Variants in PALS1 observed in about 807,000 individuals in gnomAD.
PALS1 encodes protein associated with LIN7 1, MAGUK p55 family member.
A neutral mutation model predicts 78.9 loss-of-function variants in PALS1; 31 were observed. The observed-to-expected ratio is 0.39, with a 90% CI of 0.30 to 0.53. The LOEUF is 0.53. Among genes scored for constraint, PALS1 ranks in the 20% least tolerant of loss-of-function variants. The pLI is 0.67. For missense variants in PALS1, 704 were observed against 826.5 expected (o/e 0.85, Z 1.82); for synonymous variants, 276 against 270.9 (o/e 1.02, Z -0.18).
chr14:67,276,686 A>G (rs2084511299), intron 2 of PALS1, among the ~76,000 whole-genome samples: 1 of 152,192 alleles, frequency 6.6e-6, no homozygotes, highest in African/African-American at 2.4e-5. Context: ...TAGACTGAAC[A>G]TTCCTGGGGA....
rs1443322777 is a variant in PALS1, at chr14:67,309,500, A to G, written c.1042-3027A>G. ...TTAGATGGGACTAGAGAAACTTGTC[A>G]CATAAGTAAAGCATGTTCTCTTCCC... On this transcript the variant is annotated intron_variant, in intron 8 of 14. Coordinates refer to ENST00000261681, the MANE Select transcript of PALS1 (RefSeq NM_022474.4). Among the ~76,000 whole-genome samples the G allele has an allele frequency of 1.3e-5, 2 of 152,226 alleles. 1 individual carries two copies. Among genetic ancestry groups the G allele is most frequent in the South Asian group, 4.1e-4 (2 of 4,828 alleles).
Position 67,321,256 on chromosome 14 carries a change from A to T in PALS1, c.1737A>T (p.Thr579=). 4 of 1,613,976 alleles carry T rather than the reference A, an allele frequency of 2.5e-6. No homozygotes were observed. Among genetic ancestry groups the T allele is most frequent in the Non-Finnish European group, 3.4e-6 (4 of 1,179,872 alleles). The part of the protein sequence containing the change: ...SGKICLLSLR[T]QSLKTLRNSD... ...AAATATGTCTTTTAAGTCTTCGTAC[A>T]CAGGTAAAGCTAGAACTTTGTTTTA... is the stretch of plus-strand genomic sequence containing the variant. The change falls in exon 13 of 15, where the codon ACA becomes ACT. Residue 579 remains threonine, a synonymous_variant. Coordinates refer to ENST00000261681, the MANE Select transcript of PALS1 (RefSeq NM_022474.4).
chr14:67,271,349 C>G (rs1356624591), intron 2 of PALS1: 1 of 152,178 alleles, frequency 6.6e-6, no homozygotes, highest in African/African-American at 2.4e-5. Flanking sequence ...AGTGATGGTT[C>G]TGGAGTTATA....
intron 3 of PALS1, among the ~76,000 whole-genome samples, chr14:67,289,890 C>T (rs986634796): frequency 6.6e-6 from 1 of 151,520 alleles, no homozygotes; most frequent in African/African-American, 2.4e-5. Flanking sequence ...CCTGCCTCAG[C>T]CTCTCGAGTA....
chr14:67,324,621 A>G (rs1395346173), intron 14 of PALS1, among the ~76,000 whole-genome samples: 3 of 151,880 alleles, frequency 2.0e-5, no homozygotes, highest in African/African-American at 7.3e-5. Flanking sequence ...GTCTTACTCT[A>G]TTGCCCAGGC....
At chr14:67,307,902 A>T (rs951853475) in intron 8 of PALS1, among the ~76,000 whole-genome samples, 3 of 152,210 alleles carry the variant, frequency 2.0e-5, no homozygotes, top group Non-Finnish European at 4.4e-5. Context: ...GAATGCAGCC[A>T]TAAAAAAATG....
rs36207191 is a variant in PALS1 at position 67,284,547 on chromosome 14, TAAAAAAAAAAAAAAAAAAAAAAAAAAAA to T, written c.367+5024_367+5051del. Among the ~76,000 whole-genome samples, 6 of 23,310 alleles carry T rather than the reference TAAAAAAAAAAAAAAAAAAAAAAAAAAAA, an allele frequency of 2.6e-4. No individual in the cohort carries two copies. In the South Asian group the frequency reaches 3.9e-3, roughly 15 times the overall value. 15.3% of individuals were successfully genotyped at this position (23,310 alleles called of 152,430 possible). On this transcript the variant is annotated intron_variant, in intron 3 of 14. Coordinates refer to ENST00000261681, the MANE Select transcript of PALS1 (RefSeq NM_022474.4). ...GCCCAGGAGATCGAGGCTGCAGTGCTAAAAAAAAAAAAAAAAAAAAAAAAAAAAAAAAAAAAAAAAAGGTTGTGCAATC... is the reference window on the plus strand; with the variant it reads ...GCCCAGGAGATCGAGGCTGCAGTGCTAAAAAAAAAAAAAGGTTGTGCAATC...
chr14:67,302,213 T>G, intron 6 of PALS1, 95 bp downstream of exon 6: 1 of 1,337,362 alleles, frequency 7.5e-7, no homozygotes, highest in Non-Finnish European at 9.9e-7. Flanking sequence ...ATGAATAGAG[T>G]ATTTCTGAAG....
At position 67,279,010 on chromosome 14, in the gene PALS1, C is replaced by T; in HGVS notation, c.-153-8C>T. ...TTACACTTTTTTCCCCCCCATCTTT[C>T]CCCTTAGATTTCCTTCATGGATACT... On this transcript the variant is annotated splice_region_variant and splice_polypyrimidine_tract_variant and intron_variant, in intron 2 of 14. Transcript: ENST00000261681. The T allele has an allele frequency of 1.6e-6, 1 of 634,450 alleles. No individual in the cohort carries two copies. Among genetic ancestry groups the T allele is most frequent in the Non-Finnish European group, 2.4e-6 (1 of 413,310 alleles). The allele number at this position is 634,450 out of a possible 1,614,324, so 39.3% of individuals were successfully genotyped here.
Position 67,320,353 on chromosome 14 carries a change from G to A in PALS1, c.1493G>A (p.Arg498Lys). The A allele has an allele frequency of 6.2e-7, 1 of 1,612,654 alleles. No individual in the cohort carries two copies. The highest frequency in any genetic ancestry group is 8.5e-7 in the Non-Finnish European group (1 of 1,179,466). ...QNCGQNELRQ[R>K]LMNKEKDRFA... ...TGTGGCCAGAATGAATTGCGTCAGA[G>A]GCTCATGAACAAAGAAAAGGACCGC... Residue 498 changes from arginine (R) to lysine (K), a missense_variant, in exon 12 of 15, where the codon AGG becomes AAG. Coordinates refer to ENST00000261681, the MANE Select transcript of PALS1 (RefSeq NM_022474.4).
At chr14:67,267,715 A>G (rs1025682664) in intron 1 of PALS1, among the ~76,000 whole-genome samples, 21 of 152,214 alleles carry the variant, frequency 1.4e-4, no homozygotes, top group African/African-American at 5.1e-4. Flanking sequence ...GGACACTTTT[A>G]TCACATGAAA....
chr14:67,267,873 C>G (rs1226607715), intron 1 of PALS1, among the ~76,000 whole-genome samples: 1 of 152,130 alleles, frequency 6.6e-6, no homozygotes, highest in African/African-American at 2.4e-5. Flanking sequence ...GTTTTTGAGA[C>G]TGTGTTGTTG....
Position 67,333,058 on chromosome 14 carries a change from A to G in PALS1, c.*102A>G. On this transcript the variant is annotated 3_prime_UTR_variant, in exon 15 of 15. Coordinates refer to ENST00000261681, the MANE Select transcript of PALS1 (RefSeq NM_022474.4). ...CAAGATTGAGGATAAGATGGAAGGC[A>G]GCAGTATAAGCTGTAGATCTGTTCT... 1.0e-6 allele frequency: 1 copy of G among 999,708 alleles called. No individual in the cohort carries two copies. The highest frequency in any genetic ancestry group is 2.4e-5 in the Admixed American group (1 of 42,058). 61.9% of individuals were successfully genotyped at this position (999,708 alleles called of 1,614,324 possible). A position where few individuals can be genotyped will look rare whatever the true frequency, so the allele number is the denominator to read the frequency against.
intron 9 of PALS1, among the ~76,000 whole-genome samples, chr14:67,316,512 T>A (rs1208793096): frequency 6.6e-6 from 1 of 152,194 alleles, no homozygotes; most frequent in Non-Finnish European, 1.5e-5. Context: ...CCTAGAACCA[T>A]TGTAAGATCC....
At chr14:67,253,442 A>G (rs1207976851) in intron 1 of PALS1, among the ~76,000 whole-genome samples, 1 of 152,248 alleles carries the variant, frequency 6.6e-6, no homozygotes, top group Non-Finnish European at 1.5e-5. Context: ...TTATATAGTG[A>G]GATTAAGTTC....
In PALS1 at chr14:67,312,710, G is replaced by C. The variant is rs1419285135; in HGVS notation, c.1225G>C (p.Gly409Arg). The C allele has an allele frequency of 6.3e-7, 1 of 1,592,430 alleles. No individual in the cohort carries two copies. Among genetic ancestry groups the C allele is most frequent in the Admixed American group, 1.7e-5 (1 of 57,982 alleles). Residue 409 changes from glycine to arginine, a missense_variant and splice_region_variant, in exon 9 of 15, where the codon GGG becomes CGG. Physicochemically the swap from Gly to Arg is moderately radical, Grantham distance 125. Transcript: ENST00000261681. ...DNQPLAGLVPGKSFQQQREAM... is the reference protein window; with the variant it reads ...DNQPLAGLVPRKSFQQQREAM... Reference sequence around the variant, plus strand: ...TCAACCTCTAGCCGGGCTTGTTCCAGGTAAGACACAATATGGTAGAAAGTA... The same window carrying C: ...TCAACCTCTAGCCGGGCTTGTTCCACGTAAGACACAATATGGTAGAAAGTA...
chr14:67,312,218 GA>G (rs2085100653), intron 8 of PALS1: 1 of 176,696 alleles, frequency 5.7e-6, no homozygotes, highest in Non-Finnish European at 1.2e-5. Flanking sequence ...AGATCAGCCT[GA>G]AAAAATATTG....
intron 2 of PALS1, 178 bp downstream of exon 2, chr14:67,269,961 T>A (rs1314121485): frequency 6.6e-6 from 1 of 152,192 alleles, no homozygotes; most frequent in Non-Finnish European, 1.5e-5. Flanking sequence ...AGGATGAATT[T>A]AAAAAATTCT....
At chr14:67,307,221 G>A (rs1411091626) in intron 8 of PALS1, among the ~76,000 whole-genome samples, 2 of 152,014 alleles carry the variant, frequency 1.3e-5, no homozygotes, top group Non-Finnish European at 2.9e-5. Context: ...TTATTCAAAC[G>A]TACAGTTTCC....
Sources: gnomAD v4.1 joint callset for allele counts (sites outside exome capture counted in the v4.1 genomes callset) on GRCh38, gnomAD v4.1.1 for gene constraint, MANE v1.5 for transcripts, NCBI Gene and HGNC (gene_info 2026-07-23, HGNC 2026-07-21) for gene names.